AKAP6: variants seen among roughly 807,000 people sequenced by gnomAD.
AKAP6 encodes the protein A-kinase anchor protein 6.
A neutral mutation model predicts 188.5 loss-of-function variants in AKAP6; 58 were observed. That is an observed-to-expected ratio of 0.31 (90% CI 0.25 to 0.38). AKAP6 has a LOEUF of 0.38. Ranked by LOEUF, AKAP6 falls within the 10% of genes least tolerant of loss-of-function variation. AKAP6 has a pLI of 1.00. For missense variants in AKAP6, 2,710 were observed against 2,740.0 expected (o/e 0.99, Z 0.24); for synonymous variants, 989 against 998.6 (o/e 0.99, Z 0.18).
At chr14:32,783,133 A>G (rs1264077032) in intron 12 of AKAP6, among the ~76,000 whole-genome samples, 1 of 152,166 alleles carries the variant, frequency 6.6e-6, no homozygotes, top group African/African-American at 2.4e-5. Flanking sequence ...TTTTTAATAG[A>G]AGTACAAAGG....
intron 10 of AKAP6, among the ~76,000 whole-genome samples, chr14:32,735,145 A>G (rs1479155297): frequency 1.3e-5 from 2 of 152,302 alleles, no homozygotes; most frequent in East Asian, 1.9e-4. Flanking sequence ...CCCTTTAGTT[A>G]TATGGTTTCG....
intron 5 of AKAP6, among the ~76,000 whole-genome samples, chr14:32,592,426 AG>A (rs1462509436): frequency 3.3e-5 from 5 of 152,166 alleles, no homozygotes; most frequent in Non-Finnish European, 5.9e-5. Flanking sequence ...GTCACACCTG[AG>A]ATTAATCTTA....
intron 13 of AKAP6, among the ~76,000 whole-genome samples, chr14:32,828,299 C>G (rs2034726356): frequency 6.6e-6 from 1 of 152,110 alleles, no homozygotes; most frequent in Admixed American, 6.6e-5. Flanking sequence ...AGCTGGTCAA[C>G]TAGGTTTAAG....
intron 5 of AKAP6, among the ~76,000 whole-genome samples, chr14:32,599,132 T>C (rs1409859625): frequency 1.3e-5 from 2 of 152,190 alleles, no homozygotes; most frequent in Non-Finnish European, 2.9e-5. Flanking sequence ...TATAGAACAC[T>C]GCTACTCTTG....
intron 1 of AKAP6, among the ~76,000 whole-genome samples, chr14:32,347,089 AT>A (rs1379049629): frequency 6.6e-6 from 1 of 152,216 alleles, no homozygotes; most frequent in African/African-American, 2.4e-5. Context: ...CTAACTATAT[AT>A]TAAGTAAAAA....
chr14:32,724,224 A>C (rs1265512219), intron 9 of AKAP6, among the ~76,000 whole-genome samples: 1 of 152,204 alleles, frequency 6.6e-6, no homozygotes, highest in African/African-American at 2.4e-5. Flanking sequence ...TGCCATATTC[A>C]TATTTTCTTT....
At chr14:32,425,841 G>A (rs373199119) in intron 1 of AKAP6, among the ~76,000 whole-genome samples, 1 of 152,048 alleles carries the variant, frequency 6.6e-6, no homozygotes, top group Non-Finnish European at 1.5e-5. Context: ...TGCAGATGTT[G>A]TTCAGTTTAA....
At chr14:32,374,502 G>A (rs550393461) in intron 1 of AKAP6, among the ~76,000 whole-genome samples, 1 of 152,228 alleles carries the variant, frequency 6.6e-6, no homozygotes, top group South Asian at 2.1e-4. Flanking sequence ...ATTCCATTTG[G>A]TTAGAACATA....
intron 12 of AKAP6, among the ~76,000 whole-genome samples, chr14:32,793,462 T>TA (rs780856151): frequency 1.5e-4 from 23 of 151,514 alleles, no homozygotes; most frequent in Admixed American, 7.9e-4. Flanking sequence ...CTCAATTCAA[T>TA]AAAAAAAAGC....
Position 32,725,326 on chromosome 14 carries a change from T to A in AKAP6, c.3001-7128T>A, listed in dbSNP as rs535086412. On this transcript the variant is annotated intron_variant, in intron 9 of 13. Transcript: ENST00000280979. ...GAATTCCATCCTACATTAAGACTTC[T>A]TTCACAGCTATTTAGCTCGGCAGCC... Among the ~76,000 whole-genome samples, 17 of 152,370 alleles carry A rather than the reference T, an allele frequency of 1.1e-4. No individual in the cohort carries two copies. The South Asian group carries it at 3.5e-3, about 32-fold the overall frequency.
At chr14:32,341,602 A>G (rs956637732) in intron 1 of AKAP6, among the ~76,000 whole-genome samples, 2 of 152,220 alleles carry the variant, frequency 1.3e-5, no homozygotes, top group Admixed American at 1.3e-4. Context: ...CATTGTGACC[A>G]TGGGCAAGTT....
At chr14:32,797,489 A>G (rs1341943767) in intron 12 of AKAP6, among the ~76,000 whole-genome samples, 2 of 152,228 alleles carry the variant, frequency 1.3e-5, no homozygotes, top group Admixed American at 1.3e-4. Flanking sequence ...GAAAGCTGTT[A>G]TCCTCAGCAA....
chr14:32,436,901 G>A (rs2145593), intron 2 of AKAP6, among the ~76,000 whole-genome samples: 2 of 152,048 alleles, frequency 1.3e-5, no homozygotes, highest in Non-Finnish European at 2.9e-5. Context: ...ACTACATCCT[G>A]GGTGACAAAG....
At chr14:32,386,321 G>A (rs1246063454) in intron 1 of AKAP6, among the ~76,000 whole-genome samples, 2 of 151,966 alleles carry the variant, frequency 1.3e-5, no homozygotes, top group South Asian at 2.1e-4. Flanking sequence ...AAGTGGTAAC[G>A]CATTGTGGTT....
chr14:32,626,678 C>T (rs1164393857), intron 7 of AKAP6, among the ~76,000 whole-genome samples: 1 of 152,058 alleles, frequency 6.6e-6, no homozygotes, highest in African/African-American at 2.4e-5. Flanking sequence ...GTTCATCCAA[C>T]CTCTATTTCT....
chr14:32,459,970 G>T (rs546576358), intron 2 of AKAP6, among the ~76,000 whole-genome samples: 1 of 152,222 alleles, frequency 6.6e-6, no homozygotes, highest in Non-Finnish European at 1.5e-5. Context: ...TGCTGGCAGT[G>T]ATTGGCTGCT....
chr14:32,368,135 G>GA (rs1887893868), intron 1 of AKAP6, among the ~76,000 whole-genome samples: 1 of 151,322 alleles, frequency 6.6e-6, no homozygotes, highest in African/African-American at 2.4e-5. Context: ...TCAATTTCTG[G>GA]TTAGCACTCT....
At chr14:32,587,728 C>T (rs901799489) in intron 5 of AKAP6, among the ~76,000 whole-genome samples, 6 of 152,166 alleles carry the variant, frequency 3.9e-5, no homozygotes, top group Non-Finnish European at 7.3e-5. Flanking sequence ...GTCCTAGTTT[C>T]CCCTAAGGCT....
At position 32,824,706 on chromosome 14, in the gene AKAP6, A is replaced by G; in HGVS notation, c.6893A>G (p.Lys2298Arg). The G allele has an allele frequency of 6.2e-7, 1 of 1,613,894 alleles. No homozygotes were observed. Among genetic ancestry groups the G allele is most frequent in the Non-Finnish European group, 8.5e-7 (1 of 1,179,896 alleles). ...AAGGCCGCATTGCATCCCAGCCCCA[A>G]AACTTTAACCTGTGAAGAAAATCTT... Reference protein sequence around the residue: ...TDKAALHPSPKTLTCEENLLN... With the variant: ...TDKAALHPSPRTLTCEENLLN... Residue 2298 changes from lysine to arginine, a missense_variant, in exon 13 of 14, where the codon AAA (lysine) becomes AGA (arginine). Physicochemically the swap from Lys to Arg is conservative, Grantham distance 26. Coordinates refer to ENST00000280979, the MANE Select transcript of AKAP6 (RefSeq NM_004274.5).
Sources: gnomAD v4.1 joint callset for allele counts (sites outside exome capture counted in the v4.1 genomes callset) on GRCh38, gnomAD v4.1.1 for gene constraint, MANE v1.5 for transcripts, NCBI Gene and HGNC (gene_info 2026-07-23, HGNC 2026-07-21) for gene names.